ARSB: variants seen among roughly 807,000 people sequenced by gnomAD.
ARSB encodes the protein arylsulfatase B.
ARSB carries 41 observed loss-of-function variants against 50.9 expected under a neutral mutation model. That is an observed-to-expected ratio of 0.81 (90% CI 0.63 to 1.04). ARSB has a LOEUF of 1.04. Ranked by LOEUF, ARSB falls within the 50% of genes least tolerant of loss-of-function variation. The pLI, the probability that ARSB is intolerant of heterozygous loss-of-function variation, is 0.00. For synonymous variants in ARSB, 269 were observed against 284.8 expected (o/e 0.94, Z 0.56); for missense variants, 672 against 693.3 (o/e 0.97, Z 0.35).
intron 6 of ARSB, chr5:78,816,921 T>A (rs1197376416): frequency 5.0e-6 from 1 of 200,926 alleles, no homozygotes; most frequent in African/African-American, 2.4e-5. Context: ...ACACCTTGAA[T>A]TCAGCCCTCT....
chr5:78,918,121 T>G (rs762442182), intron 4 of ARSB, among the ~76,000 whole-genome samples: 50 of 152,248 alleles, frequency 3.3e-4, no homozygotes, highest in Non-Finnish European at 2.9e-4. Context: ...TTGTATTGTC[T>G]TCTAAATACA....
chr5:78,932,238 A>T (rs943475115), intron 4 of ARSB, among the ~76,000 whole-genome samples: 4 of 152,190 alleles, frequency 2.6e-5, no homozygotes, highest in Non-Finnish European at 1.5e-5. Context: ...CAGGGGTATT[A>T]TGTCAGATAC....
At chr5:78,866,849 G>A (rs968465394) in intron 5 of ARSB, among the ~76,000 whole-genome samples, 6 of 152,298 alleles carry the variant, frequency 3.9e-5, no homozygotes, top group Admixed American at 6.5e-5. Flanking sequence ...TCCGGTCTAC[G>A]GCTCCCAGCA....
chr5:78,950,831 A>G (rs1341509077), intron 4 of ARSB, among the ~76,000 whole-genome samples: 1 of 152,234 alleles, frequency 6.6e-6, no homozygotes, highest in Non-Finnish European at 1.5e-5. Flanking sequence ...CTTCACCACT[A>G]TACTCCAAGG....
chr5:78,942,842 T>C (rs1280006637), intron 4 of ARSB, among the ~76,000 whole-genome samples: 2 of 152,196 alleles, frequency 1.3e-5, no homozygotes. Flanking sequence ...CCTTGTTAAC[T>C]TTCTGTCTCA....
chr5:78,823,516 C>T (rs550663171), intron 6 of ARSB, among the ~76,000 whole-genome samples: 2 of 152,274 alleles, frequency 1.3e-5, no homozygotes, highest in East Asian at 1.9e-4. Context: ...AAGTCAGAAC[C>T]CATAGCCTAA....
intron 3 of ARSB, among the ~76,000 whole-genome samples, chr5:78,957,910 G>A (rs1751805984): frequency 8.3e-6 from 1 of 120,308 alleles, no homozygotes; most frequent in South Asian, 3.1e-4. Context: ...AGGTCCAGAT[G>A]GGGATAGGAT....
chr5:78,807,937 C>T (rs1405015995), intron 6 of ARSB, among the ~76,000 whole-genome samples: 7 of 150,518 alleles, frequency 4.7e-5, no homozygotes, highest in Non-Finnish European at 1.0e-4. Flanking sequence ...ACTAAAAATA[C>T]AAAAAATTAG....
At chr5:78,787,391 T>TAA (rs1749122163) in intron 6 of ARSB, among the ~76,000 whole-genome samples, 1 of 152,190 alleles carries the variant, frequency 6.6e-6, no homozygotes, top group African/African-American at 2.4e-5. Flanking sequence ...CACTATTAAC[T>TAA]TGACAGTGTA....
At chr5:78,893,840 A>C (rs1561486970) in intron 4 of ARSB, among the ~76,000 whole-genome samples, 1 of 152,240 alleles carries the variant, frequency 6.6e-6, no homozygotes, top group African/African-American at 2.4e-5. Flanking sequence ...TAAGCGAGTA[A>C]AAGTACCAAA....
At chr5:78,972,183 G>A (rs969491738) in intron 1 of ARSB, among the ~76,000 whole-genome samples, 1 of 152,144 alleles carries the variant, frequency 6.6e-6, no homozygotes, top group Non-Finnish European at 1.5e-5. Context: ...CACCTGACAC[G>A]CTGCTTAGCC....
intron 6 of ARSB, among the ~76,000 whole-genome samples, chr5:78,833,047 G>A (rs1364725467): frequency 1.3e-5 from 2 of 152,176 alleles, no homozygotes; most frequent in Non-Finnish European, 2.9e-5. Context: ...CTGCAGGATA[G>A]GTGTATATGT....
In ARSB at chr5:78,969,035, G is replaced by C; in HGVS notation, c.470C>G (p.Pro157Arg). Residue 157 changes from proline (P) to arginine (R), a missense_variant, in exon 2 of 8, where the codon CCA becomes CGA. By Grantham distance (103) the Pro-to-Arg change is moderately radical. Transcript: ENST00000264914. ...GTAGGTATCAAATCCTCGGCGGGTT[G>C]GAAGGCATTCTTTCCGGTACATTCC... ...HLGMYRKECL[P>R]TRRGFDTYFG... 1 of 1,614,160 alleles carries C rather than the reference G, an allele frequency of 6.2e-7. No homozygotes were observed. Among genetic ancestry groups the C allele is most frequent in the Admixed American group, 1.7e-5 (1 of 60,018 alleles).
intron 5 of ARSB, chr5:78,883,215 AG>A (rs1747848670): frequency 6.6e-6 from 1 of 152,352 alleles, no homozygotes; most frequent in Non-Finnish European, 1.5e-5. Context: ...TCAAAGAAAA[AG>A]AAAAAAAAGT....
intron 5 of ARSB, among the ~76,000 whole-genome samples, chr5:78,856,836 G>A (rs1261380827): frequency 6.6e-6 from 1 of 152,144 alleles, no homozygotes; most frequent in Non-Finnish European, 1.5e-5. Flanking sequence ...ATCAGAAAAT[G>A]AACTTTCCTC....
intron 4 of ARSB, among the ~76,000 whole-genome samples, chr5:78,891,481 G>A (rs1463607020): frequency 2.6e-5 from 4 of 152,186 alleles, no homozygotes; most frequent in African/African-American, 4.8e-5. Flanking sequence ...TTTCTTGAGT[G>A]CTGCCATGTT....
At chr5:78,793,014 T>C (rs1165508688) in intron 6 of ARSB, among the ~76,000 whole-genome samples, 3 of 152,158 alleles carry the variant, frequency 2.0e-5, no homozygotes, top group Non-Finnish European at 4.4e-5. Flanking sequence ...AGAACAGAGA[T>C]TCCCAATTCT....
chr5:78,944,855 A>C (rs1476014300), intron 4 of ARSB, among the ~76,000 whole-genome samples: 1 of 152,184 alleles, frequency 6.6e-6, no homozygotes, highest in African/African-American at 2.4e-5. Context: ...CCTTTTGTTC[A>C]GCTATGCCCT....
At chr5:78,952,793 C>T (rs889203536) in intron 4 of ARSB, among the ~76,000 whole-genome samples, 3 of 152,166 alleles carry the variant, frequency 2.0e-5, no homozygotes, top group African/African-American at 7.2e-5. Context: ...AATCATTTGT[C>T]CTGAAATTGT....
Sources: allele counts gnomAD v4.1 joint callset (sites outside exome capture counted in the v4.1 genomes callset), GRCh38; gene constraint gnomAD v4.1.1; transcripts MANE v1.5; gene names NCBI Gene and HGNC (gene_info 2026-07-23, HGNC 2026-07-21).